The following IFT81 variants were observed in gnomAD, a reference collection of about 807,000 sequenced individuals.
IFT81 encodes the protein intraflagellar transport 81, also known as intraflagellar transport protein 81 homolog.
IFT81 carries 72 observed loss-of-function variants against 102.6 expected under a neutral mutation model. The ratio of observed to expected loss-of-function variants is 0.70; its 90% CI spans 0.58 to 0.85. The LOEUF is 0.85. Ranked by LOEUF, IFT81 falls within the 40% of genes least tolerant of loss-of-function variation. The pLI is 0.00. For synonymous variants in IFT81, 237 were observed against 242.7 expected, an observed-to-expected ratio of 0.98 and a Z score of 0.22; for missense variants, 723 against 787.3, an observed-to-expected ratio of 0.92 and a Z score of 0.98.
chr12:110,125,158 C>T (rs1893754047), intron 1 of IFT81, among the ~76,000 whole-genome samples: 1 of 151,902 alleles, frequency 6.6e-6, no homozygotes, highest in African/African-American at 2.4e-5. Context: ...TATTTCTGCA[C>T]GCAAAGGTTA....
At chr12:110,190,213 G>A (rs183333731) in intron 12 of IFT81, among the ~76,000 whole-genome samples, 52 of 152,268 alleles carry the variant, frequency 3.4e-4, no homozygotes, top group Admixed American at 1.9e-3. Context: ...GACAATAGAT[G>A]TACACTGAGA....
At chr12:110,206,958 A>G (rs1868716537) in intron 17 of IFT81, among the ~76,000 whole-genome samples, 1 of 152,172 alleles carries the variant, frequency 6.6e-6, no homozygotes, top group South Asian at 2.1e-4. Context: ...ATTTCTTCCA[A>G]AGTTATCGAT....
chr12:110,208,452 G>A (rs1233599684), intron 17 of IFT81, among the ~76,000 whole-genome samples: 1 of 152,036 alleles, frequency 6.6e-6, no homozygotes, highest in African/African-American at 2.4e-5. Flanking sequence ...GCTACAATGA[G>A]GTGTGATCAT....
At chr12:110,193,146 G>C in intron 14 of IFT81, among the ~76,000 whole-genome samples, 1 of 151,712 alleles carries the variant, frequency 6.6e-6, no homozygotes, top group African/African-American at 2.4e-5. Flanking sequence ...TTGGGTGACA[G>C]AGTGAGACCC....
rs1893711225 is a variant in IFT81, at chr12:110,124,522, T to G, written c.-361T>G. 1 of 152,272 alleles carries G rather than the reference T, an allele frequency of 6.6e-6. No homozygotes were observed. Among genetic ancestry groups the G allele is most frequent in the South Asian group, 2.1e-4 (1 of 4,834 alleles). The allele number at this position is 152,272 out of a possible 1,614,324, so 9.4% of individuals were successfully genotyped here. A position where few individuals can be genotyped will look rare whatever the true frequency, so the allele number is the denominator to read the frequency against. ...AGCTCCCGTCCTCTCTCGGTCCTGATGCAGCACCTCGCAAGTGGAAGGGGT... is the reference window on the plus strand; with the variant it reads ...AGCTCCCGTCCTCTCTCGGTCCTGAGGCAGCACCTCGCAAGTGGAAGGGGT... On this transcript the variant is annotated 5_prime_UTR_variant, in exon 1 of 19. It removes an upstream start codon present in the reference 5' UTR. Coordinates refer to ENST00000242591, the MANE Select transcript of IFT81 (RefSeq NM_014055.4).
At chr12:110,202,457 CTT>C (rs1472257322) in intron 14 of IFT81, among the ~76,000 whole-genome samples, 14 of 144,250 alleles carry the variant, frequency 9.7e-5, no homozygotes, top group Admixed American at 2.8e-4. Context: ...GTGATTCCAC[CTT>C]TTTTTTTTTT....
intron 11 of IFT81, among the ~76,000 whole-genome samples, chr12:110,170,582 A>T (rs1408796943): frequency 1.3e-5 from 2 of 152,332 alleles, no homozygotes. Context: ...AATGATATGC[A>T]GTACTAGTAC....
intron 18 of IFT81, among the ~76,000 whole-genome samples, chr12:110,214,523 TC>T (rs1425046293): frequency 6.6e-6 from 1 of 152,046 alleles, no homozygotes; most frequent in Non-Finnish European, 1.5e-5. Context: ...CAACTGAGTT[TC>T]CCCCCTTCTA....
At chr12:110,192,977 TAAC>T (rs928182676) in intron 14 of IFT81, among the ~76,000 whole-genome samples, 35 of 152,158 alleles carry the variant, frequency 2.3e-4, no homozygotes, top group Middle Eastern at 3.4e-3. Context: ...CCAGCCTGTC[TAAC>T]AACAAGACCT....
chr12:110,128,022 T>C (rs2137292137), intron 2 of IFT81, 24 bp from the exon 3 acceptor site: 1 of 1,487,500 alleles, frequency 6.7e-7, no homozygotes, highest in Middle Eastern at 1.7e-4. Flanking sequence ...AACAATAACA[T>C]GTTTTTTTCA....
At chr12:110,208,704 A>G (rs1040672962) in intron 17 of IFT81, among the ~76,000 whole-genome samples, 6 of 152,212 alleles carry the variant, frequency 3.9e-5, no homozygotes, top group African/African-American at 1.4e-4. Flanking sequence ...TATTATAAGC[A>G]TTGATGAAAT....
chr12:110,218,304 A>C lies in IFT81; in HGVS notation c.*78A>C, dbSNP rs1870406350. 9.0e-7 allele frequency: 1 copy of C among 1,116,264 alleles called. No individual in the cohort carries two copies. The highest frequency in any genetic ancestry group is 1.6e-5 in the African/African-American group (1 of 61,568). 69.1% of individuals were successfully genotyped at this position (1,116,264 alleles called of 1,614,324 possible). On this transcript the variant is annotated 3_prime_UTR_variant, in exon 19 of 19. Coordinates refer to ENST00000242591, the MANE Select transcript of IFT81 (RefSeq NM_014055.4). ...ATCTCATAATGTATTTCTTTTTTGA[A>C]ACTGATTTGTATAGCATTTTGTTTT...
chr12:110,135,246 G>C, intron 6 of IFT81, 81 bp from the exon 7 acceptor site: 1 of 865,424 alleles, frequency 1.2e-6, no homozygotes, highest in South Asian at 1.6e-5. Context: ...GAAATGATAA[G>C]TGGATGTCTG....
Position 110,190,918 on chromosome 12 carries a change from A to G in IFT81, c.1339-2A>G. ...TGTGGCCTTTTTATTTTTTACTTAT[A>G]GCAAACTATGGAGGAGAAAAAGGGT... On this transcript the variant is annotated splice_acceptor_variant, in intron 12 of 18. Coordinates refer to ENST00000242591, the MANE Select transcript of IFT81 (RefSeq NM_014055.4). LOFTEE classifies it high-confidence loss of function. 6.6e-7 allele frequency: 1 copy of G among 1,522,758 alleles called. No homozygotes were observed. Among genetic ancestry groups the G allele is most frequent in the Non-Finnish European group, 8.8e-7 (1 of 1,140,020 alleles). The allele number at this position is 1,522,758 out of a possible 1,614,324, so 94.3% of individuals were successfully genotyped here. A position where few individuals can be genotyped will look rare whatever the true frequency, so the allele number is the denominator to read the frequency against.
chr12:110,150,452 C>G (rs894402739), intron 10 of IFT81, among the ~76,000 whole-genome samples: 4 of 152,106 alleles, frequency 2.6e-5, no homozygotes, highest in Non-Finnish European at 5.9e-5. Flanking sequence ...CTTTCTTTTT[C>G]ATAAAGTACA....
At chr12:110,139,866 T>A (rs767251130) in intron 8 of IFT81, among the ~76,000 whole-genome samples, 1,951 of 130,002 alleles carry the variant, frequency 0.015, 30 homozygotes, top group African/African-American at 0.034. Flanking sequence ...TAAAATAAAA[T>A]ATAAAATAAA....
At chr12:110,216,128 A>G (rs1027060979) in intron 18 of IFT81, among the ~76,000 whole-genome samples, 1 of 152,154 alleles carries the variant, frequency 6.6e-6, no homozygotes, top group African/African-American at 2.4e-5. Context: ...ACATAATCTT[A>G]CCAAGTAAAT....
At chr12:110,177,920 C>T (rs1897107616) in intron 11 of IFT81, among the ~76,000 whole-genome samples, 2 of 149,620 alleles carry the variant, frequency 1.3e-5, no homozygotes, top group African/African-American at 4.9e-5. Context: ...CATGGTGAAA[C>T]CCCATCTCTA....
intron 11 of IFT81, chr12:110,169,247 T>C (rs1566138909): frequency 1.3e-5 from 2 of 152,144 alleles, no homozygotes; most frequent in Non-Finnish European, 1.5e-5. Context: ...GAGGAATTAA[T>C]TATGCCCTCT....
Sources: allele counts gnomAD v4.1 joint callset (sites outside exome capture counted in the v4.1 genomes callset), GRCh38; gene constraint gnomAD v4.1.1; transcripts MANE v1.5; gene names NCBI Gene and HGNC (gene_info 2026-07-23, HGNC 2026-07-21).